Variants in MLLT11 observed in about 807,000 individuals in gnomAD.
MLLT11 encodes MLLT11 transcription factor 7 cofactor, also known as protein AF1q.
Under a neutral mutation model 5.3 loss-of-function variants are expected in MLLT11, and 1 was observed. The observed-to-expected ratio is 0.19, with a 90% CI of 0.07 to 0.89. The LOEUF is 0.89. Ranked by LOEUF, MLLT11 falls within the 40% of genes least tolerant of loss-of-function variation. MLLT11 has a pLI of 0.67. For missense variants in MLLT11, 87 were observed against 107.3 expected (o/e 0.81, Z 0.83); for synonymous variants, 38 against 41.7 (o/e 0.91, Z 0.34).
At position 151,067,543 on chromosome 1, in the gene MLLT11, T is replaced by G. The variant is rs759755470; in HGVS notation, c.*46T>G. The G allele has an allele frequency of 6.4e-7, 1 of 1,572,886 alleles. No homozygotes were observed. Among genetic ancestry groups the G allele is most frequent in the East Asian group, 2.2e-5 (1 of 44,536 alleles). On this transcript the variant is annotated 3_prime_UTR_variant, in exon 2 of 2. Coordinates refer to ENST00000368921, the MANE Select transcript of MLLT11 (RefSeq NM_006818.4). Reference sequence around the variant, plus strand: ...ATCACCTTGCCCTCATTGTCTTCCCTCTCAAGCCCCTTCCTTTCCACTCCT... The same window carrying G: ...ATCACCTTGCCCTCATTGTCTTCCCGCTCAAGCCCCTTCCTTTCCACTCCT...
chr1:151,061,922 A>G (rs75699403), intron 1 of MLLT11, among the ~76,000 whole-genome samples: 1,597 of 152,250 alleles, frequency 0.01, 41 homozygotes, highest in African/African-American at 0.037. Flanking sequence ...TTTTGAGTTA[A>G]TATTTCATAA....
In MLLT11 at chr1:151,068,025, C is replaced by CT. The variant is rs1172550451; in HGVS notation, c.*536dup. On this transcript the variant is annotated 3_prime_UTR_variant, in exon 2 of 2. Coordinates refer to ENST00000368921, the MANE Select transcript of MLLT11 (RefSeq NM_006818.4). ...TTTTTTTTGATCCTGCTCTTATATT[C>CT]TTTTTTTTCCTCAGAGAAATCAGGA... The CT allele has an allele frequency of 3.7e-5, 9 of 241,972 alleles. No individual in the cohort carries two copies. The highest frequency in any genetic ancestry group is 6.1e-5 in the Non-Finnish European group (7 of 114,704). The allele number at this position is 241,972 out of a possible 1,614,324, so 15.0% of individuals were successfully genotyped here.
Position 151,068,026 on chromosome 1 carries a change from T to C in MLLT11, c.*529T>C, listed in dbSNP as rs1676498917. The C allele has an allele frequency of 4.2e-6, 1 of 239,608 alleles. No homozygotes were observed. Among genetic ancestry groups the C allele is most frequent in the Non-Finnish European group, 8.8e-6 (1 of 113,032 alleles). The allele number at this position is 239,608 out of a possible 1,614,324, so 14.8% of individuals were successfully genotyped here. A position where few individuals can be genotyped will look rare whatever the true frequency, so the allele number is the denominator to read the frequency against. On this transcript the variant is annotated 3_prime_UTR_variant, in exon 2 of 2. Coordinates refer to ENST00000368921, the MANE Select transcript of MLLT11 (RefSeq NM_006818.4). ...TTTTTTTGATCCTGCTCTTATATTC[T>C]TTTTTTTCCTCAGAGAAATCAGGAG...
rs1416605591 is a variant in MLLT11, at chr1:151,068,544, A to G, written c.*1047A>G. The stretch of plus-strand genomic sequence containing the variant: ...TCACAAGAAAAGCCACAGAAATCTG[A>G]GAAATTAGCCTTGCTTTCACACTTA... On this transcript the variant is annotated 3_prime_UTR_variant, in exon 2 of 2. Transcript: ENST00000368921. 5.1e-6 allele frequency: 1 copy of G among 194,918 alleles called. No homozygotes were observed. The highest frequency in any genetic ancestry group is 1.1e-5 in the Non-Finnish European group (1 of 87,106). 12.1% of individuals were successfully genotyped at this position (194,918 alleles called of 1,614,324 possible).
intron 1 of MLLT11, among the ~76,000 whole-genome samples, chr1:151,063,315 T>C (rs771424199): frequency 1.3e-5 from 2 of 152,204 alleles, no homozygotes; most frequent in Non-Finnish European, 2.9e-5. Context: ...ATAGGGTGTG[T>C]TGGAGAAAGG....
rs974261852 is a variant in MLLT11 at position 151,068,590 on chromosome 1, TTTTTTA to T, written c.*1099_*1104del. The T allele has an allele frequency of 3.4e-5, 6 of 175,656 alleles. No individual in the cohort carries two copies. Among genetic ancestry groups the T allele is most frequent in the Non-Finnish European group, 7.4e-5 (6 of 80,754 alleles). The allele number at this position is 175,656 out of a possible 1,614,324, so 10.9% of individuals were successfully genotyped here. A position where few individuals can be genotyped will look rare whatever the true frequency, so the allele number is the denominator to read the frequency against. The stretch of plus-strand genomic sequence containing the variant: ...ACTTAGCTTATACATCTTTTTTTTC[TTTTTTA>T]TTTTTGAGACAGGGTCCCACTCTGT... On this transcript the variant is annotated 3_prime_UTR_variant, in exon 2 of 2. Transcript: ENST00000368921.
chr1:151,067,112 A>G (rs931385547), intron 1 of MLLT11, 107 bp from the exon 2 acceptor site: 28 of 955,348 alleles, frequency 2.9e-5, no homozygotes, highest in Non-Finnish European at 3.7e-5. Flanking sequence ...AAAAAAAAAA[A>G]AAAAGAAATT....
At chr1:151,067,116 A>T in intron 1 of MLLT11, 103 bp from the exon 2 acceptor site, 4 of 949,648 alleles carry the variant, frequency 4.2e-6, no homozygotes, top group South Asian at 2.0e-5. Context: ...AAAAAAAAAA[A>T]GAAATTCCTT....
At chr1:151,061,078 G>A (rs1028619235) in intron 1 of MLLT11, among the ~76,000 whole-genome samples, 1 of 152,146 alleles carries the variant, frequency 6.6e-6, no homozygotes, top group African/African-American at 2.4e-5. Flanking sequence ...GCAGCCTAGG[G>A]TAGGAAAGGT....
intron 1 of MLLT11, among the ~76,000 whole-genome samples, chr1:151,061,884 T>C (rs587707088): frequency 6.6e-6 from 1 of 152,344 alleles, no homozygotes; most frequent in East Asian, 1.9e-4. Flanking sequence ...TACATGTCTC[T>C]GGGTCAATGA....
intron 1 of MLLT11, among the ~76,000 whole-genome samples, chr1:151,062,711 G>A (rs1449121002): frequency 6.6e-6 from 1 of 152,038 alleles, no homozygotes; most frequent in Non-Finnish European, 1.5e-5. Context: ...ATTATACTAA[G>A]CTCATTCTGG....
intron 1 of MLLT11, among the ~76,000 whole-genome samples, chr1:151,061,021 G>C (rs1228256280): frequency 6.6e-6 from 1 of 152,034 alleles, no homozygotes; most frequent in Non-Finnish European, 1.5e-5. Flanking sequence ...ACCTTTCTTT[G>C]GATAATCTCT....
chr1:151,066,533 A>G (rs904677910), intron 1 of MLLT11, among the ~76,000 whole-genome samples: 2 of 152,194 alleles, frequency 1.3e-5, no homozygotes, highest in African/African-American at 4.8e-5. Context: ...TGCTGGGAAG[A>G]ATGGGCTAGA....
intron 1 of MLLT11, among the ~76,000 whole-genome samples, chr1:151,063,406 C>CT (rs1249625483): frequency 6.6e-6 from 1 of 151,912 alleles, no homozygotes; most frequent in Non-Finnish European, 1.5e-5. Flanking sequence ...ACTAATGCTT[C>CT]TTTTTTTAAT....
chr1:151,069,035 C>G lies in MLLT11; in HGVS notation c.*1538C>G, dbSNP rs1390792181. Among the ~76,000 whole-genome samples, 1 of 152,060 alleles carries G rather than the reference C, an allele frequency of 6.6e-6. No individual in the cohort carries two copies. The highest frequency in any genetic ancestry group is 1.5e-5 in the Non-Finnish European group (1 of 68,010). ...AAGTAGTTAGGGAGACAGGTACAACCACTCTTCTGCTTGCCCACTGACTAC... is the reference window on the plus strand; with the variant it reads ...AAGTAGTTAGGGAGACAGGTACAACGACTCTTCTGCTTGCCCACTGACTAC... On this transcript the variant is annotated 3_prime_UTR_variant, in exon 2 of 2. Transcript: ENST00000368921.
Position 151,069,127 on chromosome 1 carries a change from G to C in MLLT11, c.*1630G>C, listed in dbSNP as rs1037376745. On this transcript the variant is annotated 3_prime_UTR_variant, in exon 2 of 2. Coordinates refer to ENST00000368921, the MANE Select transcript of MLLT11 (RefSeq NM_006818.4). ...AAGATAAACGAATTCACTCAAATAT[G>C]TTATCTGCTTAACTTCTGGTTTTTG... Among the ~76,000 whole-genome samples the C allele has an allele frequency of 1.3e-5, 2 of 152,120 alleles. No homozygotes were observed. The highest frequency in any genetic ancestry group is 2.9e-5 in the Non-Finnish European group (2 of 68,028).
intron 1 of MLLT11, among the ~76,000 whole-genome samples, chr1:151,061,414 G>A (rs587601353): frequency 1.6e-4 from 24 of 152,136 alleles, no homozygotes; most frequent in African/African-American, 5.6e-4. Flanking sequence ...GTGTGGCTCC[G>A]AGAGTGTATC....
chr1:151,067,822 T>A lies in MLLT11; in HGVS notation c.*325T>A. 3.0e-6 allele frequency: 1 copy of A among 328,700 alleles called. No homozygotes were observed. The highest frequency in any genetic ancestry group is 7.7e-5 in the South Asian group (1 of 12,932). 20.4% of individuals were successfully genotyped at this position (328,700 alleles called of 1,614,324 possible). On this transcript the variant is annotated 3_prime_UTR_variant, in exon 2 of 2. Coordinates refer to ENST00000368921, the MANE Select transcript of MLLT11 (RefSeq NM_006818.4). The stretch of plus-strand genomic sequence containing the variant: ...AGTATAGTAGTGCAAAATGGAAGAC[T>A]GATTTTTGACTCTATTATAATCAGC...
chr1:151,062,944 G>A (rs761272961), intron 1 of MLLT11, among the ~76,000 whole-genome samples: 13 of 152,126 alleles, frequency 8.5e-5, no homozygotes, highest in Non-Finnish European at 1.5e-4. Context: ...GTACTATGGA[G>A]ATTATCAGAG....
Sources: allele counts gnomAD v4.1 joint callset (sites outside exome capture counted in the v4.1 genomes callset), GRCh38; gene constraint gnomAD v4.1.1; transcripts MANE v1.5; gene names NCBI Gene and HGNC (gene_info 2026-07-23, HGNC 2026-07-21).